The following GPC6 variants were observed in gnomAD, a reference collection of about 807,000 sequenced individuals.
GPC6 encodes glypican-6.
Under a neutral mutation model 55.2 loss-of-function variants are expected in GPC6, and 14 were observed. The observed-to-expected ratio is 0.25, with a 90% CI of 0.17 to 0.40. The LOEUF is 0.40. Among genes scored for constraint, GPC6 ranks in the 10% least tolerant of loss-of-function variants. The pLI, the probability that GPC6 is intolerant of heterozygous loss-of-function variation, is 1.00. For missense variants in GPC6, 641 were observed against 708.5 expected, an observed-to-expected ratio of 0.90 and a Z score of 1.08; for synonymous variants, 278 against 259.6, an observed-to-expected ratio of 1.07 and a Z score of -0.68.
intron 1 of GPC6, among the ~76,000 whole-genome samples, chr13:93,521,281 G>A (rs140578346): frequency 1.6e-4 from 25 of 151,832 alleles, no homozygotes; most frequent in Non-Finnish European, 3.1e-4. Flanking sequence ...TAACTCCAGG[G>A]GAAGATTTAT....
upstream of GPC6, among the ~76,000 whole-genome samples, chr13:93,225,508 GTTTTTTTTTTT>G (rs66479937): frequency 2.8e-4 from 43 of 151,156 alleles, 1 homozygote; most frequent in Admixed American, 2.1e-3. Flanking sequence ...GTTTTGTTTT[GTTTTTTTTTTT>G]TTTGGTTTTG....
chr13:93,479,215 G>A (rs1411100862), intron 1 of GPC6, among the ~76,000 whole-genome samples: 1 of 152,048 alleles, frequency 6.6e-6, no homozygotes, highest in East Asian at 1.9e-4. Flanking sequence ...CTCTTTTTAG[G>A]ATAGTTCCTA....
At chr13:93,396,764 G>C (rs1875873845) in intron 1 of GPC6, among the ~76,000 whole-genome samples, 1 of 152,024 alleles carries the variant, frequency 6.6e-6, no homozygotes, top group Non-Finnish European at 1.5e-5. Flanking sequence ...GCTTAATCTT[G>C]TGATGATTAA....
At chr13:93,251,798 C>A (rs1876794375) in intron 1 of GPC6, among the ~76,000 whole-genome samples, 1 of 152,134 alleles carries the variant, frequency 6.6e-6, no homozygotes, top group Non-Finnish European at 1.5e-5. Flanking sequence ...ATTTTAATTT[C>A]TTTTTATGAT....
At chr13:93,556,018 A>G (rs1875446386) in intron 2 of GPC6, among the ~76,000 whole-genome samples, 1 of 152,174 alleles carries the variant, frequency 6.6e-6, no homozygotes, top group African/African-American at 2.4e-5. Flanking sequence ...CTCCATATCT[A>G]AGGTGGCATT....
intron 1 of GPC6, among the ~76,000 whole-genome samples, chr13:93,532,574 C>A (rs1305874410): frequency 6.6e-6 from 1 of 152,130 alleles, no homozygotes; most frequent in African/African-American, 2.4e-5. Context: ...TTTTCTCACT[C>A]CAGATGCTTT....
chr13:94,402,971 A>C, intron 8 of GPC6, 44 bp from the exon 9 acceptor site: 1 of 1,369,512 alleles, frequency 7.3e-7, no homozygotes, highest in Non-Finnish European at 1.0e-6. Flanking sequence ...CAAAGCCTAA[A>C]CATATCAGTG....
At chr13:94,214,097 T>C (rs1355047250) in intron 4 of GPC6, among the ~76,000 whole-genome samples, 2 of 152,240 alleles carry the variant, frequency 1.3e-5, no homozygotes, top group African/African-American at 4.8e-5. Flanking sequence ...TGAAGTTATC[T>C]AACTGTGAAT....
At chr13:94,003,153 G>GTGGCA (rs1320686038) in intron 3 of GPC6, among the ~76,000 whole-genome samples, 2 of 152,130 alleles carry the variant, frequency 1.3e-5, no homozygotes, top group Non-Finnish European at 2.9e-5. Context: ...AGGTAGGAGC[G>GTGGCA]TGGCGTGTGC....
chr13:93,338,077 C>G (rs543562124), intron 1 of GPC6, among the ~76,000 whole-genome samples: 2 of 152,108 alleles, frequency 1.3e-5, no homozygotes, highest in Non-Finnish European at 2.9e-5. Context: ...TATAACATCA[C>G]GAGGAAGCTA....
intron 1 of GPC6, among the ~76,000 whole-genome samples, chr13:93,252,999 C>T (rs1307185655): frequency 6.6e-6 from 1 of 152,214 alleles, no homozygotes. Context: ...TTGTGTGGAA[C>T]ATGCATTTTG....
At chr13:93,240,659 A>G (rs1184928328) in intron 1 of GPC6, among the ~76,000 whole-genome samples, 2 of 152,190 alleles carry the variant, frequency 1.3e-5, no homozygotes, top group Non-Finnish European at 2.9e-5. Flanking sequence ...GTAATATATT[A>G]AATACTATTC....
rs532317210 is a variant in GPC6, at chr13:93,739,528, C to T, written c.320-90626C>T. 9.2e-4 allele frequency among the ~76,000 whole-genome samples: 139 copies of T among 150,280 alleles called. 4 individuals are homozygous for T. The South Asian group carries it at 0.028, about 30-fold the overall frequency. On this transcript the variant is annotated intron_variant, in intron 2 of 8. Transcript: ENST00000377047. ...CACTGCAAGCTCTGCCTCCCGGGTT[C>T]GCGCCATTCTCCTGCCTCAGCCTCC...
chr13:93,507,914 A>G (rs1477201827), intron 1 of GPC6, among the ~76,000 whole-genome samples: 7 of 152,214 alleles, frequency 4.6e-5, no homozygotes, highest in Non-Finnish European at 8.8e-5. Context: ...TTAAAAGTCT[A>G]AGAGATTTAC....
intron 3 of GPC6, among the ~76,000 whole-genome samples, chr13:93,841,569 G>A (rs541143789): frequency 6.6e-6 from 1 of 152,284 alleles, no homozygotes; most frequent in East Asian, 1.9e-4. Context: ...AAATAACCAA[G>A]AGTGAAAATG....
chr13:93,768,907 A>G (rs916231401), intron 2 of GPC6, among the ~76,000 whole-genome samples: 2 of 152,156 alleles, frequency 1.3e-5, no homozygotes, highest in Non-Finnish European at 2.9e-5. Flanking sequence ...ACTAGATCCC[A>G]ACTGGGAGCT....
chr13:93,673,724 GT>G (rs774506799), intron 2 of GPC6, among the ~76,000 whole-genome samples: 2 of 152,108 alleles, frequency 1.3e-5, no homozygotes, highest in Non-Finnish European at 1.5e-5. Flanking sequence ...TAGAAAAAAT[GT>G]TCCCCAAGTT....
chr13:93,395,281 A>G, intron 1 of GPC6: 2 of 488,636 alleles, frequency 4.1e-6, no homozygotes, highest in East Asian at 4.8e-5. Flanking sequence ...AACCACTTTG[A>G]CCTCTTTGGC....
intron 2 of GPC6, among the ~76,000 whole-genome samples, chr13:93,618,868 T>A (rs1400026501): frequency 6.6e-6 from 1 of 152,136 alleles, no homozygotes. Context: ...AAATGTCACC[T>A]CAGGTGATTT....
Sources: allele counts gnomAD v4.1 joint callset (sites outside exome capture counted in the v4.1 genomes callset), GRCh38; gene constraint gnomAD v4.1.1; transcripts MANE v1.5; gene names NCBI Gene and HGNC (gene_info 2026-07-23, HGNC 2026-07-21).